The following NINL variants were observed in gnomAD, a reference collection of about 807,000 sequenced individuals.
The protein encoded by NINL is ninein like.
Under a neutral mutation model 160.3 loss-of-function variants are expected in NINL, and 153 were observed. The observed-to-expected ratio is 0.95, with a 90% CI of 0.84 to 1.09. NINL has a LOEUF of 1.09. NINL is among the 50% of genes least tolerant of loss of function. NINL has a pLI of 0.00. For synonymous variants in NINL, 800 were observed against 734.8 expected (o/e 1.09, Z -1.43); for missense variants, 1,829 against 1,764.0 (o/e 1.04, Z -0.66).
At chr20:25,535,853 CAGA>C (rs2064546847) in intron 1 of NINL, among the ~76,000 whole-genome samples, 1 of 152,062 alleles carries the variant, frequency 6.6e-6, no homozygotes, top group Non-Finnish European at 1.5e-5. Context: ...TTGAAAAGCC[CAGA>C]AAAGGGAGCC....
intron 6 of NINL, 99 bp downstream of exon 6, chr20:25,504,789 C>T: frequency 8.0e-7 from 1 of 1,244,586 alleles, no homozygotes; most frequent in Non-Finnish European, 1.1e-6. Context: ...AGTGATGCAC[C>T]TACATGAGTG....
intron 1 of NINL, among the ~76,000 whole-genome samples, chr20:25,530,904 T>C (rs1208368790): frequency 6.6e-6 from 1 of 152,160 alleles, no homozygotes; most frequent in Non-Finnish European, 1.5e-5. Flanking sequence ...TAACATCTTA[T>C]CAGGAGACAG....
At position 25,491,237 on chromosome 20, in the gene NINL, A is replaced by G. The variant is rs73335336; in HGVS notation, c.1485+114T>C. ...GCTCCCTCGGGCCCTGCCCTGAAAC[A>G]TAAGCTTGAGGGCACTGGCAGGTGT... On this transcript the variant is annotated intron_variant, in intron 11 of 23. Transcript: ENST00000278886. The G allele has an allele frequency of 4.1e-4, 538 of 1,309,000 alleles. 2 individuals carry two copies. The African/African-American group carries it at 7.4e-3, about 18-fold the overall frequency. The allele number at this position is 1,309,000 out of a possible 1,614,324, so 81.1% of individuals were successfully genotyped here.
At chr20:25,547,408 C>T (rs1166079664) in intron 1 of NINL, among the ~76,000 whole-genome samples, 1 of 152,170 alleles carries the variant, frequency 6.6e-6, no homozygotes, top group Non-Finnish European at 1.5e-5. Context: ...TGATCAACCC[C>T]CAGAGATGGT....
chr20:25,479,630 T>C (rs2063344397), intron 15 of NINL, among the ~76,000 whole-genome samples: 2 of 152,170 alleles, frequency 1.3e-5, no homozygotes, highest in Non-Finnish European at 1.5e-5. Context: ...CCCCAGGGCA[T>C]GGCCACAGGC....
chr20:25,495,987 T>C (rs141276220), intron 10 of NINL, among the ~76,000 whole-genome samples: 172 of 152,108 alleles, frequency 1.1e-3, no homozygotes, highest in African/African-American at 4.0e-3. Context: ...CTACTAAAAA[T>C]ACAAAAATTA....
intron 19 of NINL, among the ~76,000 whole-genome samples, chr20:25,463,065 G>A (rs2062831524): frequency 6.6e-6 from 1 of 152,156 alleles, no homozygotes; most frequent in East Asian, 1.9e-4. Context: ...AATGTCTCCA[G>A]GTATTTTTGG....
chr20:25,499,045 C>T, intron 8 of NINL: 1 of 985,494 alleles, frequency 1.0e-6, no homozygotes, highest in Non-Finnish European at 1.2e-6. Context: ...CTTGTGGCTA[C>T]AAACGCCCTG....
At chr20:25,488,929 C>T (rs1026716289) in intron 13 of NINL, 8 of 342,928 alleles carry the variant, frequency 2.3e-5, no homozygotes, top group Admixed American at 4.0e-5. Flanking sequence ...ACTGCGTCCA[C>T]TGCGCCCTGC....
At chr20:25,522,575 CATA>C (rs1016724807) in intron 2 of NINL, among the ~76,000 whole-genome samples, 21 of 152,328 alleles carry the variant, frequency 1.4e-4, no homozygotes, top group African/African-American at 2.2e-4. Context: ...TTGCCTAGCA[CATA>C]ATAAGTCCCT....
At chr20:25,574,989 T>G (rs544202214) in intron 1 of NINL, among the ~76,000 whole-genome samples, 5 of 151,948 alleles carry the variant, frequency 3.3e-5, no homozygotes, top group Non-Finnish European at 7.4e-5. Flanking sequence ...AGTTTTTAAA[T>G]GTACCCCCAA....
At chr20:25,513,732 T>C (rs2064115789) in intron 3 of NINL, among the ~76,000 whole-genome samples, 1 of 152,190 alleles carries the variant, frequency 6.6e-6, no homozygotes, top group African/African-American at 2.4e-5. Context: ...GAGATCTGGT[T>C]GTTTAAAAGT....
At chr20:25,453,852 C>T (rs1034005939) in intron 23 of NINL, among the ~76,000 whole-genome samples, 1 of 152,032 alleles carries the variant, frequency 6.6e-6, no homozygotes, top group Admixed American at 6.6e-5. Context: ...AGATCGAGAC[C>T]ATCCTGGCGA....
At chr20:25,578,241 G>A (rs1222484074) in intron 1 of NINL, among the ~76,000 whole-genome samples, 3 of 151,586 alleles carry the variant, frequency 2.0e-5, no homozygotes, top group Non-Finnish European at 4.4e-5. Context: ...TGGCGTAGCT[G>A]GGATTACAGG....
At chr20:25,455,286 ATCATGGCCCGAGG>A (rs2090638849) in intron 23 of NINL, among the ~76,000 whole-genome samples, 1 of 152,100 alleles carries the variant, frequency 6.6e-6, no homozygotes, top group Admixed American at 6.6e-5. Context: ...CAGAGCACTC[ATCATGGCCCGAGG>A]TCATGTATGC....
intron 1 of NINL, among the ~76,000 whole-genome samples, chr20:25,565,040 G>A (rs900411549): frequency 1.3e-5 from 2 of 152,056 alleles, no homozygotes; most frequent in African/African-American, 4.8e-5. Context: ...AATCTTTCAG[G>A]GTAGGGGCAG....
chr20:25,521,734 T>C (rs1460389937), intron 2 of NINL, among the ~76,000 whole-genome samples: 1 of 152,206 alleles, frequency 6.6e-6, no homozygotes, highest in African/African-American at 2.4e-5. Flanking sequence ...TTCCTTAAAT[T>C]TGGGGTTGGT....
At chr20:25,540,095 T>C in intron 1 of NINL, 1 of 1,254,802 alleles carries the variant, frequency 8.0e-7, no homozygotes. Flanking sequence ...GTATTCCACA[T>C]CTGCATAAAA....
At chr20:25,528,212 T>C (rs2064391726) in intron 1 of NINL, among the ~76,000 whole-genome samples, 1 of 152,048 alleles carries the variant, frequency 6.6e-6, no homozygotes, top group South Asian at 2.1e-4. Flanking sequence ...TTAAAATTTT[T>C]TTACCAAGAT....
Sources: gnomAD v4.1 joint callset for allele counts (sites outside exome capture counted in the v4.1 genomes callset) on GRCh38, gnomAD v4.1.1 for gene constraint, MANE v1.5 for transcripts, NCBI Gene and HGNC (gene_info 2026-07-23, HGNC 2026-07-21) for gene names.